Variants in AFF1 observed in about 807,000 individuals in gnomAD.
AFF1 encodes the protein AF4/FMR2 family member 1.
AFF1 carries 48 observed loss-of-function variants against 121.7 expected under a neutral mutation model. The observed-to-expected ratio is 0.39, with a 90% CI of 0.31 to 0.50. The LOEUF is 0.50. Ranked by LOEUF, AFF1 falls within the 20% of genes least tolerant of loss-of-function variation. The probability of loss-of-function intolerance (pLI) is 0.76; values close to 1 mark genes in which losing one functional copy is unlikely to be tolerated. For synonymous variants in AFF1, 613 were observed against 563.0 expected, an observed-to-expected ratio of 1.09 and a Z score of -1.26; for missense variants, 1,523 against 1,511.7, an observed-to-expected ratio of 1.01 and a Z score of -0.12.
chr4:87,105,406 G>A (rs1725811215), intron 8 of AFF1, among the ~76,000 whole-genome samples: 1 of 152,010 alleles, frequency 6.6e-6, no homozygotes, highest in Non-Finnish European at 1.5e-5. Context: ...GCACTTAACT[G>A]GTTTCTGTGT....
chr4:87,028,305 G>GT lies in AFF1; in HGVS notation c.39-17852dup, dbSNP rs965038837. Among the ~76,000 whole-genome samples the GT allele has an allele frequency of 5.0e-4, 75 of 149,132 alleles. No homozygotes were observed. The East Asian group carries it at 8.3e-3, about 17-fold the overall frequency. ...ATTAAAGTTCAGTATTTTTTTTTAC[G>GT]TTTTTTTTTCTTTTGGTATAAAATG... On this transcript the variant is annotated intron_variant, in intron 2 of 20. Transcript: ENST00000395146.
rs77613498 is a variant in AFF1, at chr4:87,023,407, A to G, written c.39-22759A>G. Among the ~76,000 whole-genome samples, 600 of 149,616 alleles carry G rather than the reference A, an allele frequency of 4.0e-3. 3 individuals carry two copies. Among genetic ancestry groups the G allele is most frequent in the African/African-American group, 0.014 (558 of 40,620 alleles). ...AGAAATAGAAAATTCAGATACTTCT[A>G]TACTTACTGACTTATTATAAAAACT... On this transcript the variant is annotated intron_variant, in intron 2 of 20. Transcript: ENST00000395146.
intron 2 of AFF1, among the ~76,000 whole-genome samples, chr4:86,961,211 G>C (rs1722118483): frequency 1.3e-5 from 2 of 152,118 alleles, no homozygotes; most frequent in African/African-American, 4.8e-5. Context: ...GACGAGACCT[G>C]TGCTAAGTAT....
chr4:87,058,233 G>T (rs1044257200), intron 4 of AFF1, among the ~76,000 whole-genome samples: 1 of 152,068 alleles, frequency 6.6e-6, no homozygotes, highest in Non-Finnish European at 1.5e-5. Flanking sequence ...TAGTTCCAGC[G>T]CTCCATCTGC....
intron 4 of AFF1, among the ~76,000 whole-genome samples, chr4:87,071,058 T>C (rs3736668): frequency 0.17 from 26,345 of 152,174 alleles, 2,868 homozygotes; most frequent in East Asian, 0.39. Flanking sequence ...GTAGGCTAGT[T>C]ATACCTTTTT....
At chr4:87,119,670 C>CAT (rs1227473851) in intron 12 of AFF1, among the ~76,000 whole-genome samples, 2 of 152,214 alleles carry the variant, frequency 1.3e-5, no homozygotes, top group African/African-American at 4.8e-5. Flanking sequence ...TTCATTCAGT[C>CAT]ATCTTACAGA....
At chr4:87,007,145 C>T (rs1476563770) in intron 2 of AFF1, 5 of 1,285,832 alleles carry the variant, frequency 3.9e-6, no homozygotes, top group South Asian at 2.4e-5. Context: ...GCGGCGCTCC[C>T]CGGGCTCGTC....
intron 2 of AFF1, among the ~76,000 whole-genome samples, chr4:87,011,141 TCTC>T (rs1483504779): frequency 1.3e-4 from 19 of 151,786 alleles, no homozygotes; most frequent in African/African-American, 4.1e-4. Context: ...CCCTGGCCCT[TCTC>T]CACCCTGGGG....
intron 2 of AFF1, among the ~76,000 whole-genome samples, chr4:86,975,118 C>T (rs969489206): frequency 6.6e-6 from 1 of 152,150 alleles, no homozygotes; most frequent in African/African-American, 2.4e-5. Context: ...CCCTATAATA[C>T]AACCTCAGTT....
chr4:87,081,318 C>T (rs576812208), intron 4 of AFF1, among the ~76,000 whole-genome samples: 8 of 151,984 alleles, frequency 5.3e-5, no homozygotes, highest in South Asian at 2.1e-4. Flanking sequence ...TCCGCCACCA[C>T]GCCTGGCTAA....
chr4:86,949,666 T>C (rs1721154365), intron 2 of AFF1: 2 of 1,554,474 alleles, frequency 1.3e-6, no homozygotes, highest in Admixed American at 3.8e-5. Flanking sequence ...GGGTGAGCGC[T>C]CAGAGCAGGA....
intron 12 of AFF1, among the ~76,000 whole-genome samples, chr4:87,120,481 A>G (rs1307928254): frequency 6.6e-6 from 1 of 152,220 alleles, no homozygotes; most frequent in African/African-American, 2.4e-5. Context: ...AGGCACTAAC[A>G]TGGCTTGACT....
intron 2 of AFF1, among the ~76,000 whole-genome samples, chr4:87,033,237 A>G (rs1473947158): frequency 1.3e-5 from 2 of 152,232 alleles, no homozygotes; most frequent in Non-Finnish European, 2.9e-5. Flanking sequence ...GTTCTTATCA[A>G]TACACAGACA....
At chr4:86,950,711 T>C (rs1721244238) in intron 2 of AFF1, among the ~76,000 whole-genome samples, 1 of 152,206 alleles carries the variant, frequency 6.6e-6, no homozygotes, top group Non-Finnish European at 1.5e-5. Context: ...TGGTTTACTC[T>C]CTCCCCTCAC....
intron 2 of AFF1, among the ~76,000 whole-genome samples, chr4:86,973,243 G>A (rs1723065737): frequency 6.6e-6 from 1 of 152,140 alleles, no homozygotes; most frequent in South Asian, 2.1e-4. Flanking sequence ...ACTGTGGAGT[G>A]GATTAGCATT....
chr4:87,043,250 T>C (rs1207883452), intron 2 of AFF1, among the ~76,000 whole-genome samples: 1 of 152,088 alleles, frequency 6.6e-6, no homozygotes, highest in East Asian at 1.9e-4. Flanking sequence ...CCCTTGGTGG[T>C]GAGAATAGCC....
intron 2 of AFF1, among the ~76,000 whole-genome samples, chr4:86,960,323 G>C (rs1157399801): frequency 6.6e-6 from 1 of 152,144 alleles, no homozygotes; most frequent in Non-Finnish European, 1.5e-5. Flanking sequence ...GAGAATTGAA[G>C]TGCAGTGGGT....
At chr4:87,090,311 C>T (rs992615401) in intron 6 of AFF1, among the ~76,000 whole-genome samples, 1 of 152,212 alleles carries the variant, frequency 6.6e-6, no homozygotes, top group Non-Finnish European at 1.5e-5. Context: ...TTTTCCAATA[C>T]GTTCTCTCAT....
intron 2 of AFF1, among the ~76,000 whole-genome samples, chr4:87,044,953 A>G (rs894634549): frequency 1.3e-5 from 2 of 152,196 alleles, no homozygotes; most frequent in African/African-American, 4.8e-5. Context: ...AGTAGTAAAG[A>G]GCCATCAAAT....
Sources: gnomAD v4.1 joint callset for allele counts (sites outside exome capture counted in the v4.1 genomes callset) on GRCh38, gnomAD v4.1.1 for gene constraint, MANE v1.5 for transcripts, NCBI Gene and HGNC (gene_info 2026-07-23, HGNC 2026-07-21) for gene names.